ZNF717: variants seen among roughly 807,000 people sequenced by gnomAD.
The protein encoded by ZNF717 is krueppel-like factor X17.
A neutral mutation model predicts 13.8 loss-of-function variants in ZNF717; 9 were observed. That is an observed-to-expected ratio of 0.65 (90% CI 0.39 to 1.14). ZNF717 has a LOEUF of 1.14. Ranked by LOEUF, ZNF717 falls within the 50% of genes most tolerant of loss-of-function variation. The pLI, the probability that ZNF717 is intolerant of heterozygous loss-of-function variation, is 0.01. For missense variants in ZNF717, 1,040 were observed against 1,080.7 expected (o/e 0.96, Z 0.53); for synonymous variants, 327 against 364.1 (o/e 0.90, Z 1.16).
At chr3:75,731,067 C>T (rs1218009347), downstream of ZNF717, among the ~76,000 whole-genome samples, 2 of 151,924 alleles carry the variant, frequency 1.3e-5, no homozygotes, top group African/African-American at 4.8e-5. Context: ...ATGGCAAAAC[C>T]CTGTCTCTAC....
At chr3:75,718,540 TAC>T (rs1319497045) in intron 4 of ZNF717, among the ~76,000 whole-genome samples, 1 of 152,148 alleles carries the variant, frequency 6.6e-6, no homozygotes, top group Non-Finnish European at 1.5e-5. Context: ...AAATGTGATA[TAC>T]AGTTATATAA....
rs557390547 is a variant in ZNF717, at chr3:75,761,586, A to G, written c.58-19850T>C. Among the ~76,000 whole-genome samples, 27 of 152,404 alleles carry G rather than the reference A, an allele frequency of 1.8e-4. No homozygotes were observed. In the East Asian group the frequency reaches 2.1e-3, roughly 12 times the overall value. ...GCAAATTGGAAAGGGAGAAGTATAA[A>G]ATTTTGTTCACAGACAACAGGATGT... On this transcript the variant is annotated intron_variant, in intron 2 of 4. Transcript: ENST00000652011.
rs1196264626 is a variant in ZNF717, at chr3:75,785,430, C to T, written c.-49G>A. 6.5e-6 allele frequency: 1 copy of T among 152,956 alleles called. No homozygotes were observed. Among genetic ancestry groups the T allele is most frequent in the Non-Finnish European group, 1.5e-5 (1 of 68,642 alleles). 9.5% of individuals were successfully genotyped at this position (152,956 alleles called of 1,614,324 possible). ...CCCGCGATGCGCCCACGCGTCTGCT[C>T]CCACAACTGGGGAACACTGGTCCGG... On this transcript the variant is annotated 5_prime_UTR_variant, in exon 1 of 5. Transcript: ENST00000652011.
At chr3:75,757,950 T>TG (rs879404903) in intron 2 of ZNF717, among the ~76,000 whole-genome samples, 1 of 133,840 alleles carries the variant, frequency 7.5e-6, no homozygotes, top group Non-Finnish European at 1.6e-5. Flanking sequence ...CTGTCTCTAC[T>TG]AAAAAAAAAA....
At chr3:75,764,853 A>G (rs1943307977) in intron 2 of ZNF717, among the ~76,000 whole-genome samples, 1 of 152,110 alleles carries the variant, frequency 6.6e-6, no homozygotes, top group African/African-American at 2.4e-5. Context: ...CAGCCATCCA[A>G]CTTCTACAGA....
At chr3:75,779,153 G>A (rs7645249) in intron 2 of ZNF717, among the ~76,000 whole-genome samples, 25,070 of 150,864 alleles carry the variant, frequency 0.17, 2,067 homozygotes, top group African/African-American at 0.17. Flanking sequence ...TGGGAGTGAC[G>A]TGCGAAAACC....
chr3:75,730,464 G>C (rs1575730073), exon 6 of ZNF717: 1 of 539,434 alleles, frequency 1.9e-6, no homozygotes, highest in Non-Finnish European at 3.2e-6. Context: ...TTTGTTACTG[G>C]TGATGTGAAA....
chr3:75,784,522 A>G (rs1009338650), intron 1 of ZNF717, among the ~76,000 whole-genome samples: 8 of 152,206 alleles, frequency 5.3e-5, no homozygotes, highest in African/African-American at 1.9e-4. Flanking sequence ...CAACGAGGAA[A>G]GGTTGAAGGA....
At chr3:75,696,279 A>G in intron 6 of ZNF717, among the ~76,000 whole-genome samples, 1 of 152,300 alleles carries the variant, frequency 6.6e-6, no homozygotes, top group Non-Finnish European at 1.5e-5. Context: ...AAACCTGAAC[A>G]GACCAATAAC....
intron 5 of ZNF717, among the ~76,000 whole-genome samples, chr3:75,714,490 C>T (rs959644173): frequency 2.6e-5 from 4 of 151,746 alleles, no homozygotes; most frequent in Admixed American, 6.6e-5. Context: ...TTGCTACAAA[C>T]TAATGATTAA....
At chr3:75,713,705 C>T (rs1559570177) in intron 5 of ZNF717, among the ~76,000 whole-genome samples, 1 of 152,058 alleles carries the variant, frequency 6.6e-6, no homozygotes, top group South Asian at 2.1e-4. Flanking sequence ...GTGGGTTTTT[C>T]TCCCCATGTG....
downstream of ZNF717, among the ~76,000 whole-genome samples, chr3:75,729,298 G>C (rs1362085013): frequency 6.6e-6 from 1 of 152,194 alleles, no homozygotes; most frequent in Non-Finnish European, 1.5e-5. Context: ...GGGTGACTCT[G>C]AGTTCTGTCC....
At chr3:75,753,072 C>A (rs879152086) in intron 2 of ZNF717, among the ~76,000 whole-genome samples, 1 of 149,280 alleles carries the variant, frequency 6.7e-6, no homozygotes, top group Non-Finnish European at 1.5e-5. Context: ...AAAGTTTGTC[C>A]CTCACATAGG....
In ZNF717 at chr3:75,783,351, C is replaced by T. The variant is rs189128563; in HGVS notation, c.12G>A (p.Val4=). 16 of 1,551,196 alleles carry T rather than the reference C, an allele frequency of 1.0e-5. No homozygotes were observed. The African/African-American group carries it at 1.8e-4, about 17-fold the overall frequency. ...GTAGCTCTTGGAAACAGCCAGAGAACACTGGAAACATAGCTGAGAGAGAAG... is the reference window on the plus strand; with the variant it reads ...GTAGCTCTTGGAAACAGCCAGAGAATACTGGAAACATAGCTGAGAGAGAAG... The part of the protein sequence containing the change: MFP[V]FSGCFQELQE... The change falls in exon 2 of 5, where the codon GTG becomes GTA. Residue 4 remains valine, a synonymous_variant. Coordinates refer to ENST00000652011, the MANE Select transcript of ZNF717 (RefSeq NM_001290208.3).
chr3:75,774,486 G>A (rs113579262), intron 2 of ZNF717, among the ~76,000 whole-genome samples: 58 of 123,394 alleles, frequency 4.7e-4, no homozygotes, highest in Middle Eastern at 4.9e-3. Flanking sequence ...AGGACTATTT[G>A]ACATGTTAAG....
rs1413011510 is a variant in ZNF717 at position 75,697,323 on chromosome 3, C to T, written n.1085+13864G>A. On this transcript the variant is annotated intron_variant and non_coding_transcript_variant, in intron 6 of 6. Coordinates refer to the ZNF717 transcript ENST00000648506. ...TAAGGTTTGAATATGTGTCCCCTCC[C>T]AAATCTCATATTTAAATGTAATTCT... Among the ~76,000 whole-genome samples, 46 of 152,074 alleles carry T rather than the reference C, an allele frequency of 3.0e-4. No individual in the cohort carries two copies. The East Asian group carries it at 8.1e-3, about 27-fold the overall frequency.
At position 75,739,232 on chromosome 3, in the gene ZNF717, C is replaced by T; in HGVS notation, c.391G>A (p.Gly131Arg). ...TTTGAGTTCAAATTAAATGTTTTTC[C>T]TAATTCAACTCTCTCCTGAGTTGAT... ...NTSTQERVELGKTFNLNSNHV... is the reference protein window; with the variant it reads ...NTSTQERVELRKTFNLNSNHV... The change falls in exon 5 of 5, where the codon GGA becomes AGA. Residue 131 changes from glycine to arginine, a missense_variant. Coordinates refer to ENST00000652011, the MANE Select transcript of ZNF717 (RefSeq NM_001290208.3). The T allele has an allele frequency of 1.3e-6, 2 of 1,513,236 alleles. No individual in the cohort carries two copies. The highest frequency in any genetic ancestry group is 2.4e-5 in the South Asian group (2 of 81,748). The allele number at this position is 1,513,236 out of a possible 1,614,324, so 93.7% of individuals were successfully genotyped here.
intron 2 of ZNF717, among the ~76,000 whole-genome samples, chr3:75,772,880 G>A (rs562361990): frequency 5.5e-4 from 84 of 152,326 alleles, no homozygotes; most frequent in African/African-American, 1.6e-3. Flanking sequence ...AGAGCAGCTG[G>A]GGATTGTGGT....
At chr3:75,701,802 CTAAT>C (rs1260116105) in intron 6 of ZNF717, among the ~76,000 whole-genome samples, 1 of 152,172 alleles carries the variant, frequency 6.6e-6, no homozygotes, top group Non-Finnish European at 1.5e-5. Context: ...ATATAATAAT[CTAAT>C]TAAAGAGTGG....
Sources: gnomAD v4.1 joint callset for allele counts (sites outside exome capture counted in the v4.1 genomes callset) on GRCh38, gnomAD v4.1.1 for gene constraint, MANE v1.5 for transcripts, NCBI Gene and HGNC (gene_info 2026-07-23, HGNC 2026-07-21) for gene names.